Variants in MBNL1 observed in about 807,000 individuals in gnomAD.
MBNL1 encodes the protein muscleblind-like protein 1.
A neutral mutation model predicts 42.2 loss-of-function variants in MBNL1; 8 were observed. The observed-to-expected ratio is 0.19, with a 90% CI of 0.11 to 0.34. The LOEUF is 0.34. Among genes scored for constraint, MBNL1 ranks in the 10% least tolerant of loss-of-function variants. The pLI is 1.00. For missense variants in MBNL1, 309 were observed against 495.3 expected, an observed-to-expected ratio of 0.62 and a Z score of 3.57; for synonymous variants, 169 against 173.9, an observed-to-expected ratio of 0.97 and a Z score of 0.22.
intron 1 of MBNL1, among the ~76,000 whole-genome samples, chr3:152,289,365 G>A (rs2054483140): frequency 6.6e-6 from 1 of 152,148 alleles, no homozygotes; most frequent in South Asian, 2.1e-4. Context: ...AACATAATTT[G>A]TTGTTTAATC....
chr3:152,410,074 C>T (rs2098529360), intron 2 of MBNL1, among the ~76,000 whole-genome samples: 1 of 151,748 alleles, frequency 6.6e-6, no homozygotes, highest in Admixed American at 6.6e-5. Flanking sequence ...ACCTAGCTTC[C>T]ATTATATAAT....
chr3:152,262,287 T>C (rs1399627279), intron 2 of MBNL1, among the ~76,000 whole-genome samples: 1 of 152,210 alleles, frequency 6.6e-6, no homozygotes, highest in Non-Finnish European at 1.5e-5. Context: ...GAAACAGATA[T>C]ATGAAACTCC....
chr3:152,261,743 C>G (rs372411901), intron 2 of MBNL1, among the ~76,000 whole-genome samples: 1 of 152,200 alleles, frequency 6.6e-6, no homozygotes, highest in African/African-American at 2.4e-5. Context: ...GAACAACAAA[C>G]TTTCTCCTCA....
intron 1 of MBNL1, among the ~76,000 whole-genome samples, chr3:152,294,672 A>G (rs2057773779): frequency 6.6e-6 from 1 of 152,186 alleles, no homozygotes; most frequent in Non-Finnish European, 1.5e-5. Context: ...CTCAGAAGCA[A>G]TGTACCCATT....
chr3:152,253,358 T>A (rs1031254155), intron 2 of MBNL1, among the ~76,000 whole-genome samples: 1 of 152,062 alleles, frequency 6.6e-6, no homozygotes, highest in Non-Finnish European at 1.5e-5. Context: ...CAAAATATAT[T>A]CCAATGCTGA....
At chr3:152,332,739 TGCGCGC>T (rs1229920740) in intron 2 of MBNL1, among the ~76,000 whole-genome samples, 8 of 115,646 alleles carry the variant, frequency 6.9e-5, no homozygotes, top group African/African-American at 2.7e-4. Flanking sequence ...TGTGTGTGTG[TGCGCGC>T]GCGCATGCGC....
intron 2 of MBNL1, among the ~76,000 whole-genome samples, chr3:152,258,093 A>G (rs924854885): frequency 6.6e-6 from 1 of 152,226 alleles, no homozygotes; most frequent in Non-Finnish European, 1.5e-5. Flanking sequence ...TACCTATACC[A>G]TCTTGTAGAA....
chr3:152,288,427 A>G (rs962972226), intron 1 of MBNL1, among the ~76,000 whole-genome samples: 2 of 152,178 alleles, frequency 1.3e-5, no homozygotes, highest in Non-Finnish European at 1.5e-5. Context: ...TTGGGCCTAC[A>G]TGAGTTTTCC....
chr3:152,275,268 T>C (rs115370908), intron 1 of MBNL1, among the ~76,000 whole-genome samples: 487 of 152,288 alleles, frequency 3.2e-3, no homozygotes, highest in African/African-American at 0.011. Flanking sequence ...AAAAGCTTTA[T>C]GTCACTGACT....
chr3:152,245,551 T>A (rs185810969), intron 2 of MBNL1, among the ~76,000 whole-genome samples: 24 of 152,290 alleles, frequency 1.6e-4, no homozygotes, highest in African/African-American at 5.1e-4. Flanking sequence ...TTAATTTGGT[T>A]TGAAAAAATT....
intron 1 of MBNL1, among the ~76,000 whole-genome samples, chr3:152,277,796 TAAAG>T (rs937449640): frequency 7.2e-5 from 11 of 152,184 alleles, no homozygotes; most frequent in Admixed American, 1.3e-4. Context: ...TCCCATGAAA[TAAAG>T]ACAGTTTTCA....
At position 152,445,349 on chromosome 3, in the gene MBNL1, C is replaced by A. The variant is rs1260087548; in HGVS notation, c.617C>A (p.Ala206Asp). The change falls in exon 5 of 10, where the codon GCT (alanine) becomes GAT (aspartate). Residue 206 changes from alanine (A) to aspartate (D), a missense_variant. Transcript: ENST00000324210. ...GENDCRFAHP[A>D]DSTMIDTNDN... The stretch of plus-strand genomic sequence containing the variant: ...AATGATTGTCGGTTTGCTCATCCTG[C>A]TGACAGCACAATGATTGACACCAAT... 6.2e-7 allele frequency: 1 copy of A among 1,613,948 alleles called. No individual in the cohort carries two copies. Among genetic ancestry groups the A allele is most frequent in the Non-Finnish European group, 8.5e-7 (1 of 1,179,954 alleles).
intron 1 of MBNL1, among the ~76,000 whole-genome samples, chr3:152,294,600 C>T (rs1039218656): frequency 6.6e-6 from 1 of 152,002 alleles, no homozygotes; most frequent in Non-Finnish European, 1.5e-5. Context: ...TTGATTCTTA[C>T]AATATTTTTG....
chr3:152,424,594 T>C (rs531548573), intron 3 of MBNL1, among the ~76,000 whole-genome samples: 1 of 151,738 alleles, frequency 6.6e-6, no homozygotes, highest in South Asian at 2.1e-4. Context: ...AAATTTCATA[T>C]GGAACCAAAA....
Position 152,294,946 on chromosome 3 carries a change from A to C in MBNL1, c.-789-4459A>C, listed in dbSNP as rs143957352. Among the ~76,000 whole-genome samples, 553 of 152,296 alleles carry C rather than the reference A, an allele frequency of 3.6e-3. 4 individuals are homozygous for C. Among genetic ancestry groups the C allele is most frequent in the African/African-American group, 0.013 (535 of 41,568 alleles). On this transcript the variant is annotated intron_variant, in intron 1 of 9. Coordinates refer to ENST00000324210, the MANE Select transcript of MBNL1 (RefSeq NM_021038.5). Reference sequence around the variant, plus strand: ...AGAAGGAATATAAAACAATAATCTGATATCAGCAGTTTAGTGAAATTGATC... The same window carrying C: ...AGAAGGAATATAAAACAATAATCTGCTATCAGCAGTTTAGTGAAATTGATC...
Position 152,268,962 on chromosome 3 carries a change from C to T in MBNL1, c.-920C>T, listed in dbSNP as rs981310130. ...CACTGCAGCTGAATGAGTTGTGGCG[C>T]CCACAATGCTCCCATGACAAGGAGC... is the stretch of plus-strand genomic sequence containing the variant. On this transcript the variant is annotated 5_prime_UTR_variant, in exon 1 of 10. Transcript: ENST00000324210. 33 of 456,260 alleles carry T rather than the reference C, an allele frequency of 7.2e-5. No individual in the cohort carries two copies. In the East Asian group the frequency reaches 2.2e-3, roughly 30 times the overall value. The allele number at this position is 456,260 out of a possible 1,614,324, so 28.3% of individuals were successfully genotyped here. A position where few individuals can be genotyped will look rare whatever the true frequency, so the allele number is the denominator to read the frequency against.
chr3:152,294,274 G>C (rs1257793624), intron 1 of MBNL1, among the ~76,000 whole-genome samples: 2 of 138,186 alleles, frequency 1.4e-5, no homozygotes, highest in Non-Finnish European at 3.1e-5. Flanking sequence ...TTTAAAGTTT[G>C]ATTCTTTTTT....
intron 2 of MBNL1, among the ~76,000 whole-genome samples, chr3:152,327,784 T>C (rs1203747564): frequency 6.6e-6 from 1 of 151,858 alleles, no homozygotes; most frequent in African/African-American, 2.4e-5. Context: ...TTTCTATATA[T>C]ATATATGCTA....
chr3:152,426,726 A>G (rs1157017257), intron 3 of MBNL1, among the ~76,000 whole-genome samples: 5 of 152,212 alleles, frequency 3.3e-5, no homozygotes, highest in South Asian at 4.1e-4. Context: ...GATGGCAGCT[A>G]TTCTTTGGGT....
Sources: gnomAD v4.1 joint callset for allele counts (sites outside exome capture counted in the v4.1 genomes callset) on GRCh38, gnomAD v4.1.1 for gene constraint, MANE v1.5 for transcripts, NCBI Gene and HGNC (gene_info 2026-07-23, HGNC 2026-07-21) for gene names.